Variants in GBP7 observed in about 807,000 individuals in gnomAD.
The protein encoded by GBP7 is guanylate-binding protein 7.
Under a neutral mutation model 61.3 loss-of-function variants are expected in GBP7, and 43 were observed. That is an observed-to-expected ratio of 0.70 (90% CI 0.55 to 0.91). The LOEUF (loss-of-function observed/expected upper bound fraction) is 0.91, where lower values mean the gene tolerates loss of function less well. Among genes scored for constraint, GBP7 ranks in the 40% least tolerant of loss-of-function variants. The pLI, the probability that GBP7 is intolerant of heterozygous loss-of-function variation, is 0.00. For synonymous variants in GBP7, 267 were observed against 271.0 expected, an observed-to-expected ratio of 0.99 and a Z score of 0.14; for missense variants, 717 against 740.5, an observed-to-expected ratio of 0.97 and a Z score of 0.37.
At chr1:89,147,513 G>A (rs760723238) in intron 8 of GBP7, 54 bp downstream of exon 8, 78 of 1,407,754 alleles carry the variant, frequency 5.5e-5, no homozygotes, top group African/African-American at 1.1e-4. Context: ...AAGAGGCAAC[G>A]AAGACCCTCT....
At chr1:89,135,545 C>T (rs745870400) in intron 9 of GBP7, among the ~76,000 whole-genome samples, 43 of 152,126 alleles carry the variant, frequency 2.8e-4, no homozygotes, top group Non-Finnish European at 5.9e-4. Context: ...GACCTATATT[C>T]AGCATTTGTA....
chr1:89,162,292 G>A (rs1647295787), intron 3 of GBP7, among the ~76,000 whole-genome samples: 1 of 152,082 alleles, frequency 6.6e-6, no homozygotes, highest in Non-Finnish European at 1.5e-5. Flanking sequence ...TTTAAAAACA[G>A]TTTTTTTCTA....
At chr1:89,136,115 A>T (rs1681794762) in intron 9 of GBP7, among the ~76,000 whole-genome samples, 1 of 152,228 alleles carries the variant, frequency 6.6e-6, no homozygotes, top group African/African-American at 2.4e-5. Flanking sequence ...AGACTTAATT[A>T]TACTAAATAT....
At chr1:89,134,390 C>G (rs1570336923) in intron 9 of GBP7, among the ~76,000 whole-genome samples, 1 of 152,210 alleles carries the variant, frequency 6.6e-6, no homozygotes, top group Non-Finnish European at 1.5e-5. Flanking sequence ...GACCTTGGAC[C>G]CCACTGCCAC....
At chr1:89,151,192 C>T (rs1682188783) in intron 5 of GBP7, among the ~76,000 whole-genome samples, 1 of 152,120 alleles carries the variant, frequency 6.6e-6, no homozygotes, top group Admixed American at 6.6e-5. Context: ...TACCCTTCAC[C>T]CACATGTCCT....
chr1:89,134,325 A>C (rs1681745692), intron 9 of GBP7, among the ~76,000 whole-genome samples: 1 of 152,096 alleles, frequency 6.6e-6, no homozygotes, highest in Admixed American at 6.5e-5. Context: ...TGCCACCACC[A>C]ATGCACATGC....
At chr1:89,161,246 A>G (rs950079198) in intron 3 of GBP7, among the ~76,000 whole-genome samples, 4 of 152,004 alleles carry the variant, frequency 2.6e-5, no homozygotes, top group African/African-American at 9.7e-5. Context: ...ACGTACACGT[A>G]TCTTTATAAT....
In GBP7 at chr1:89,146,213, A is replaced by G. The variant is rs551588834; in HGVS notation, c.1365+1354T>C. On this transcript the variant is annotated intron_variant, in intron 8 of 10. Coordinates refer to ENST00000294671, the MANE Select transcript of GBP7 (RefSeq NM_207398.3). Reference sequence around the variant, plus strand: ...GAGTACACCATGAGAAAAAGATAGTATCTTTAATAAATGGTGGAATGGTGG... The same window carrying G: ...GAGTACACCATGAGAAAAAGATAGTGTCTTTAATAAATGGTGGAATGGTGG... 2.1e-4 allele frequency among the ~76,000 whole-genome samples: 32 copies of G among 152,374 alleles called. 1 individual carries two copies. The highest frequency in any genetic ancestry group is 7.7e-4 in the African/African-American group (32 of 41,598).
chr1:89,141,569 G>T lies in GBP7; in HGVS notation c.1445C>A (p.Thr482Asn). The T allele has an allele frequency of 6.2e-7, 1 of 1,613,870 alleles. No homozygotes were observed. ...ESILQSDKALTAGEKAIAAKQ... is the reference protein window; with the variant it reads ...ESILQSDKALNAGEKAIAAKQ... Reference sequence around the variant, plus strand: ...ACCTGCTATGGCCTTCTCTCCAGCAGTGAGGGCTTTGTCTGACTGCAGGAT... The same window carrying T: ...ACCTGCTATGGCCTTCTCTCCAGCATTGAGGGCTTTGTCTGACTGCAGGAT... Residue 482 changes from threonine to asparagine, a missense_variant, in exon 9 of 11, where the codon ACT becomes AAT. By Grantham distance (65) the Thr-to-Asn change is moderately conservative. This residue lies in a region of GBP7 where 312 missense variants were observed against 310.1 expected (regional missense o/e 1.01). Transcript: ENST00000294671.
chr1:89,143,987 T>C (rs998538785), intron 8 of GBP7, among the ~76,000 whole-genome samples: 1 of 152,184 alleles, frequency 6.6e-6, no homozygotes, highest in Non-Finnish European at 1.5e-5. Context: ...AGATAGTGAA[T>C]GTAGAACCCC....
intron 6 of GBP7, among the ~76,000 whole-genome samples, 199 bp from the exon 7 acceptor site, chr1:89,149,771 T>C (rs1372978204): frequency 6.6e-6 from 1 of 152,190 alleles, no homozygotes; most frequent in East Asian, 1.9e-4. Flanking sequence ...CTGTTGTTCC[T>C]ATTTATTCTT....
intron 3 of GBP7, among the ~76,000 whole-genome samples, chr1:89,156,604 CAAA>C (rs1682321333): frequency 1.3e-5 from 2 of 152,112 alleles, no homozygotes; most frequent in African/African-American, 4.8e-5. Flanking sequence ...CTGAAAGAGA[CAAA>C]GAAGGCCATT....
intron 8 of GBP7, among the ~76,000 whole-genome samples, chr1:89,147,054 A>G (rs924855456): frequency 3.9e-5 from 6 of 152,240 alleles, no homozygotes; most frequent in African/African-American, 1.4e-4. Context: ...ACTAATTTAC[A>G]TTATTAGAAT....
chr1:89,169,738 A>G lies in GBP7; in HGVS notation c.190+2008T>C, dbSNP rs374240176. On this transcript the variant is annotated intron_variant, in intron 2 of 10. Transcript: ENST00000294671. ...TTTGGGCCACACAAAAAGTTCACCA[A>G]ACCACTCAATGCCATACCCAAAGAC... Among the ~76,000 whole-genome samples, 56 of 152,294 alleles carry G rather than the reference A, an allele frequency of 3.7e-4. 6 individuals carry two copies. Among genetic ancestry groups the G allele is most frequent in the Admixed American group, 9.2e-4 (14 of 15,300 alleles).
chr1:89,169,612 C>T (rs966833128), intron 2 of GBP7, among the ~76,000 whole-genome samples: 2 of 152,128 alleles, frequency 1.3e-5, no homozygotes, highest in African/African-American at 4.8e-5. Context: ...ATTTTCTGGC[C>T]TGGAATTGCT....
rs553440427 is a variant in GBP7, at chr1:89,143,268, C to T, written c.1366-1620G>A. ...AACTCAGATAAGTGAAATTACCTGA[C>T]CTGTACTAGGCTTTGTTCTGAGAAT... On this transcript the variant is annotated intron_variant, in intron 8 of 10. Transcript: ENST00000294671. 3.3e-5 allele frequency among the ~76,000 whole-genome samples: 5 copies of T among 152,202 alleles called. No individual in the cohort carries two copies. The South Asian group carries it at 8.3e-4, about 25-fold the overall frequency.
chr1:89,160,601 A>G (rs1281018857), intron 3 of GBP7, among the ~76,000 whole-genome samples: 2 of 152,150 alleles, frequency 1.3e-5, no homozygotes, highest in Admixed American at 6.6e-5. Context: ...TAAACAAGTT[A>G]TTATTTACTG....
At chr1:89,152,141 A>C in intron 5 of GBP7, 127 bp downstream of exon 5, 1 of 737,402 alleles carries the variant, frequency 1.4e-6, no homozygotes, top group South Asian at 3.2e-5. Context: ...CTTATCAATC[A>C]CCAACCACCA....
At chr1:89,155,195 CTG>C (rs1349803278) in intron 3 of GBP7, among the ~76,000 whole-genome samples, 1 of 152,216 alleles carries the variant, frequency 6.6e-6, no homozygotes, top group Non-Finnish European at 1.5e-5. Flanking sequence ...AAAACCCCAT[CTG>C]TGCATCACCA....
Sources: allele counts gnomAD v4.1 joint callset (sites outside exome capture counted in the v4.1 genomes callset), GRCh38; gene constraint gnomAD v4.1.1; regional missense constraint gnomAD v4.1.1; transcripts MANE v1.5; gene names NCBI Gene and HGNC (gene_info 2026-07-23, HGNC 2026-07-21).